SPTBN1: variants seen among roughly 807,000 people sequenced by gnomAD.
The protein encoded by SPTBN1 is spectrin beta, non-erythrocytic 1, also known as spectrin beta chain, non-erythrocytic 1.
In SPTBN1, 32 loss-of-function variants were observed where a neutral mutation model predicts 266.4. The observed-to-expected ratio is 0.12, with a 90% CI of 0.09 to 0.16. The LOEUF (loss-of-function observed/expected upper bound fraction) is 0.16. Among genes scored for constraint, SPTBN1 ranks in the 10% least tolerant of loss-of-function variants. The pLI is 1.00. For synonymous variants in SPTBN1, 1,336 were observed against 1,162.2 expected (o/e 1.15, Z -3.04); for missense variants, 2,296 against 3,067.1 (o/e 0.75, Z 5.94).
Position 54,533,908 on chromosome 2 carries a change from A to T in SPTBN1, c.148+7342A>T, listed in dbSNP as rs948092285. 6.0e-4 allele frequency among the ~76,000 whole-genome samples: 55 copies of T among 91,388 alleles called. No individual in the cohort carries two copies. Among genetic ancestry groups the T allele is most frequent in the African/African-American group, 1.5e-3 (43 of 29,568 alleles). The allele number at this position is 91,388 out of a possible 152,430, so 60.0% of individuals were successfully genotyped here. On this transcript the variant is annotated intron_variant, in intron 2 of 35. Coordinates refer to ENST00000356805, the MANE Select transcript of SPTBN1 (RefSeq NM_003128.3). The surrounding 1 kb of genome is among the most constrained non-coding windows in gnomAD (Gnocchi z 4.2). ...CTCTCTCTGTCTCTCTCTCACACACACACACACACACACACACACGCACGC... is the reference window on the plus strand; with the variant it reads ...CTCTCTCTGTCTCTCTCTCACACACTCACACACACACACACACACGCACGC...
At chr2:54,576,157 C>T (rs1674463052) in intron 2 of SPTBN1, among the ~76,000 whole-genome samples, 1 of 144,808 alleles carries the variant, frequency 6.9e-6, no homozygotes, top group African/African-American at 2.5e-5. Context: ...TGGGTTCAAG[C>T]GTTTCTCCTG....
chr2:54,477,274 T>G (rs534316682), intron 1 of SPTBN1, among the ~76,000 whole-genome samples: 1 of 152,310 alleles, frequency 6.6e-6, no homozygotes, highest in African/African-American at 2.4e-5. Context: ...GGCTGTAAAC[T>G]TCATGTAATA....
chr2:54,546,958 TAAAAA>T (rs71975342), intron 2 of SPTBN1, among the ~76,000 whole-genome samples: 2 of 144,088 alleles, frequency 1.4e-5, no homozygotes, highest in Admixed American at 6.8e-5. Context: ...TTAATGGTGG[TAAAAA>T]AAAAAAAAAA....
chr2:54,544,903 TC>T (rs1469583081), intron 2 of SPTBN1, among the ~76,000 whole-genome samples: 11 of 152,136 alleles, frequency 7.2e-5, no homozygotes, highest in Admixed American at 5.2e-4. Flanking sequence ...ATTAGATATT[TC>T]TCCTAATACT....
At chr2:54,470,925 A>G (rs190355965) in intron 1 of SPTBN1, among the ~76,000 whole-genome samples, 519 of 152,328 alleles carry the variant, frequency 3.4e-3, no homozygotes, top group Non-Finnish European at 4.1e-3. Flanking sequence ...AAATTTGTAA[A>G]CTTTCTTAAA....
At chr2:54,578,680 A>T (rs1052878635) in intron 2 of SPTBN1, among the ~76,000 whole-genome samples, 1 of 151,958 alleles carries the variant, frequency 6.6e-6, no homozygotes, top group African/African-American at 2.4e-5. Context: ...AGTTATTTAT[A>T]TTTATTATTT....
chr2:54,653,427 T>A lies in SPTBN1; in HGVS notation c.5578-182T>A, dbSNP rs952362738. 8.1e-6 allele frequency: 7 copies of A among 860,960 alleles called. No individual in the cohort carries two copies. The highest frequency in any genetic ancestry group is 1.2e-5 in the Non-Finnish European group (7 of 575,588). The allele number at this position is 860,960 out of a possible 1,614,324, so 53.3% of individuals were successfully genotyped here. A position where few individuals can be genotyped will look rare whatever the true frequency, so the allele number is the denominator to read the frequency against. On this transcript the variant is annotated intron_variant, in intron 26 of 35. Coordinates refer to ENST00000356805, the MANE Select transcript of SPTBN1 (RefSeq NM_003128.3). This position sits in a 1 kb window ranked among gnomAD's most constrained non-coding sequence, Gnocchi z 5.1. ...ACTTAATAATGTAGTTGAACAGATT[T>A]ATAGAAAACGGGTTTTTGTGACTTG...
chr2:54,624,750 C>T, intron 10 of SPTBN1, 54 bp from the exon 11 acceptor site: 1 of 1,607,412 alleles, frequency 6.2e-7, no homozygotes, highest in South Asian at 1.1e-5. Context: ...CGGAAGTTTC[C>T]TTGAACACTG....
intron 3 of SPTBN1, among the ~76,000 whole-genome samples, chr2:54,611,821 CA>C (rs970901267): frequency 1.1e-3 from 160 of 143,054 alleles, no homozygotes; most frequent in African/African-American, 3.1e-3. Flanking sequence ...CATGCACCTG[CA>C]AAAAAAAAAA....
At chr2:54,651,661 T>A (rs979035488) in intron 26 of SPTBN1, among the ~76,000 whole-genome samples, 3 of 152,236 alleles carry the variant, frequency 2.0e-5, no homozygotes, top group Non-Finnish European at 4.4e-5. Flanking sequence ...TGTCCTCTTG[T>A]ACCTTACATT....
At chr2:54,553,930 C>A (rs911801079) in intron 2 of SPTBN1, among the ~76,000 whole-genome samples, 11 of 152,312 alleles carry the variant, frequency 7.2e-5, no homozygotes, top group African/African-American at 2.6e-4. Flanking sequence ...TCTTACCTTG[C>A]CACATGCTAA....
Position 54,618,903 on chromosome 2 carries a change from C to G in SPTBN1, c.763+710C>G, listed in dbSNP as rs539093595. Among the ~76,000 whole-genome samples the G allele has an allele frequency of 1.6e-4, 24 of 152,318 alleles. 1 individual carries two copies. Among genetic ancestry groups the G allele is most frequent in the Admixed American group, 1.5e-3 (23 of 15,312 alleles). On this transcript the variant is annotated intron_variant, in intron 7 of 35. Coordinates refer to ENST00000356805, the MANE Select transcript of SPTBN1 (RefSeq NM_003128.3). ...CTGTGAGTCCCTGTGTAACTTGGAG[C>G]TGACCTGTTTGGAGCAGTTCCCCAG...
intron 10 of SPTBN1, 71 bp from the exon 11 acceptor site, chr2:54,624,733 G>C: frequency 6.3e-7 from 1 of 1,591,404 alleles, no homozygotes; most frequent in Non-Finnish European, 8.6e-7. Flanking sequence ...GCTGTTGACT[G>C]TAACCACGGA....
intron 1 of SPTBN1, among the ~76,000 whole-genome samples, chr2:54,490,031 G>T (rs4561702): frequency 0.22 from 33,038 of 151,622 alleles, 4,617 homozygotes; most frequent in East Asian, 0.37. Flanking sequence ...CCAAAAATCT[G>T]TGCAGTTTTG....
intron 3 of SPTBN1, among the ~76,000 whole-genome samples, chr2:54,610,637 T>C (rs1050768303): frequency 6.6e-6 from 1 of 152,256 alleles, no homozygotes; most frequent in African/African-American, 2.4e-5. Flanking sequence ...TCTGCTGGTG[T>C]AGCTTCAGGG....
intron 35 of SPTBN1, 97 bp from the exon 36 acceptor site, chr2:54,668,254 C>G (rs1681505882): frequency 3.4e-6 from 4 of 1,162,688 alleles, no homozygotes; most frequent in Non-Finnish European, 5.0e-6. Flanking sequence ...TCTGCTTACC[C>G]CTCAGTTGGC....
At position 54,584,080 on chromosome 2, in the gene SPTBN1, T is replaced by C. The variant is rs544177567; in HGVS notation, c.149-15012T>C. Among the ~76,000 whole-genome samples, 3 of 152,366 alleles carry C rather than the reference T, an allele frequency of 2.0e-5. No homozygotes were observed. In the South Asian group the frequency reaches 6.2e-4, roughly 32 times the overall value. On this transcript the variant is annotated intron_variant, in intron 2 of 35. Coordinates refer to ENST00000356805, the MANE Select transcript of SPTBN1 (RefSeq NM_003128.3). ...TGGAAGATATCCTTCGATATCTTTT[T>C]ATGCAGTTACTTACATTTAAACATA...
At chr2:54,492,047 C>T (rs1196370370) in intron 1 of SPTBN1, among the ~76,000 whole-genome samples, 1 of 152,072 alleles carries the variant, frequency 6.6e-6, no homozygotes, top group Non-Finnish European at 1.5e-5. Flanking sequence ...TAACAAGAGA[C>T]CTCAAGATAA....
intron 1 of SPTBN1, among the ~76,000 whole-genome samples, chr2:54,508,555 C>T (rs6746306): frequency 0.8 from 121,021 of 152,036 alleles, 48,773 homozygotes; most frequent in African/African-American, 0.93. Flanking sequence ...TAGCGGCTTG[C>T]AACCTACATG....
Sources: allele counts gnomAD v4.1 joint callset (sites outside exome capture counted in the v4.1 genomes callset), GRCh38; gene constraint gnomAD v4.1.1; non-coding constraint Gnocchi (gnomAD v3.1); transcripts MANE v1.5; gene names NCBI Gene and HGNC (gene_info 2026-07-23, HGNC 2026-07-21).